Variants in PCBP2 observed in about 807,000 individuals in gnomAD.
The protein encoded by PCBP2 is poly(rC) binding protein 2.
PCBP2 carries 4 observed loss-of-function variants against 50.1 expected under a neutral mutation model. The observed-to-expected ratio is 0.08, with a 90% CI of 0.04 to 0.18. The LOEUF (loss-of-function observed/expected upper bound fraction) is 0.18. Ranked by LOEUF, PCBP2 falls within the 10% of genes least tolerant of loss-of-function variation. The pLI is 1.00. For missense variants in PCBP2, 161 were observed against 474.3 expected (o/e 0.34, Z 6.14); for synonymous variants, 179 against 168.0 (o/e 1.07, Z -0.51).
In PCBP2 at chr12:53,468,754, G is replaced by C; in HGVS notation, c.827-23G>C. On this transcript the variant is annotated intron_variant, in intron 12 of 14. Transcript: ENST00000546463. Reference sequence around the variant, plus strand: ...GTTTTGAATGCTGTGCATTGAATTTGCTTGCTCTCTTCTGTCTTTTAGCAG... The same window carrying C: ...GTTTTGAATGCTGTGCATTGAATTTCCTTGCTCTCTTCTGTCTTTTAGCAG... The C allele has an allele frequency of 1.9e-6, 3 of 1,596,312 alleles. No homozygotes were observed. The South Asian group carries it at 3.3e-5, about 18-fold the overall frequency.
At chr12:53,453,019 A>G (rs968811415) in intron 1 of PCBP2, 5 of 152,084 alleles carry the variant, frequency 3.3e-5, no homozygotes, top group African/African-American at 1.2e-4. Context: ...ATGTAATCCC[A>G]GACCGAGCTA....
intron 14 of PCBP2, among the ~76,000 whole-genome samples, chr12:53,472,179 C>A (rs889103030): frequency 1.3e-5 from 2 of 152,072 alleles, no homozygotes; most frequent in Non-Finnish European, 2.9e-5. Context: ...GATTTGGAGT[C>A]CAAAGCACCC....
rs1049193 is a variant in PCBP2, at chr12:53,480,060, G to C, written c.*618G>C. 0.11 allele frequency: 17,048 copies of C among 151,818 alleles called. 1,214 individuals carry two copies. The highest frequency in any genetic ancestry group is 0.17 in the Middle Eastern group (49 of 294). 9.4% of individuals were successfully genotyped at this position (151,818 alleles called of 1,614,324 possible). A position where few individuals can be genotyped will look rare whatever the true frequency, so the allele number is the denominator to read the frequency against. On this transcript the variant is annotated 3_prime_UTR_variant, in exon 15 of 15. Transcript: ENST00000546463. ...CAAAAGATTGAGGATTAGACTTTCC[G>C]AGGACTTACCTGTCCTAGGGGAGTA...
intron 10 of PCBP2, 101 bp from the exon 11 acceptor site, chr12:53,467,120 G>T: frequency 2.5e-6 from 2 of 804,058 alleles, no homozygotes; most frequent in Non-Finnish European, 2.1e-6. Context: ...GAGTAGTAGA[G>T]TCAATTTTGG....
In PCBP2 at chr12:53,481,127, A is replaced by G. The variant is rs901172153; in HGVS notation, c.*1685A>G. 1.4e-4 allele frequency: 84 copies of G among 595,372 alleles called. No homozygotes were observed. Among genetic ancestry groups the G allele is most frequent in the Non-Finnish European group, 1.8e-4 (76 of 431,196 alleles). 36.9% of individuals were successfully genotyped at this position (595,372 alleles called of 1,614,324 possible). ...GTGGCGCATATATATATATATATGT[A>G]TATATATATAATTTATATAAATATT... On this transcript the variant is annotated 3_prime_UTR_variant, in exon 15 of 15. Transcript: ENST00000546463.
chr12:53,469,885 G>T (rs888433562), intron 13 of PCBP2, among the ~76,000 whole-genome samples: 2 of 150,650 alleles, frequency 1.3e-5, no homozygotes, highest in African/African-American at 4.9e-5. Context: ...GGGACTACAG[G>T]CATGTGCCAC....
chr12:53,462,501 G>A lies in PCBP2; in HGVS notation c.513G>A (p.Pro171=), dbSNP rs768864672. Reference sequence around the variant, plus strand: ...CTCTGACTCTCTCCCAGTCCCCCCCGAAGGGCGTGACCATCCCGTACCGGC... The same window carrying A: ...CTCTGACTCTCTCCCAGTCCCCCCCAAAGGGCGTGACCATCCCGTACCGGC... ...QICVVMLESP[P]KGVTIPYRPK... The change falls in exon 8 of 15, where the codon CCG becomes CCA. Residue 171 remains proline, a synonymous_variant. Coordinates refer to ENST00000546463, the MANE Select transcript of PCBP2 (RefSeq NM_031989.5). 15 of 1,610,386 alleles carry A rather than the reference G, an allele frequency of 9.3e-6. No individual in the cohort carries two copies. The highest frequency in any genetic ancestry group is 1.7e-5 in the Admixed American group (1 of 59,860).
At chr12:53,463,259 T>TGGCACGTGGACTATTCTGAAGTTA (rs1941578816) in intron 8 of PCBP2, among the ~76,000 whole-genome samples, 1 of 152,204 alleles carries the variant, frequency 6.6e-6, no homozygotes, top group African/African-American at 2.4e-5. Context: ...TCTTGATCTT[T>TGGCACGTGGACTATTCTGAAGTTA]GGCACGTGGA....
intron 14 of PCBP2, among the ~76,000 whole-genome samples, chr12:53,476,609 T>G (rs1187686780): frequency 6.6e-6 from 1 of 151,890 alleles, no homozygotes; most frequent in African/African-American, 2.4e-5. Flanking sequence ...AGTGTAGAGA[T>G]AGTTTCCCTG....
chr12:53,476,920 A>G (rs1016701793), intron 14 of PCBP2, among the ~76,000 whole-genome samples: 8 of 152,138 alleles, frequency 5.3e-5, no homozygotes, highest in Admixed American at 2.6e-4. Context: ...GGTTTTATCT[A>G]GTTCTTGATT....
intron 14 of PCBP2, chr12:53,474,878 C>T (rs748339523): frequency 1.9e-5 from 8 of 427,222 alleles, no homozygotes; most frequent in Non-Finnish European, 3.4e-5. Flanking sequence ...GTTTAGAAAA[C>T]GCTAAACCCT....
intron 14 of PCBP2, chr12:53,474,958 C>A (rs1156934256): frequency 2.2e-6 from 1 of 456,814 alleles, no homozygotes; most frequent in Non-Finnish European, 4.4e-6. Flanking sequence ...TCCACCCCTT[C>A]TTCTTCTTCC....
intron 1 of PCBP2, chr12:53,454,384 AG>A (rs1318008423): frequency 6.1e-6 from 1 of 163,414 alleles, no homozygotes; most frequent in Non-Finnish European, 1.3e-5. Context: ...CATGATTTCC[AG>A]GTGTTTCTGA....
At position 53,456,021 on chromosome 12, in the gene PCBP2, C is replaced by A; in HGVS notation, c.243+20C>A. The stretch of plus-strand genomic sequence containing the variant: ...GAAGAGGTTTGTTGTCTCCCACTCC[C>A]TCATTCTTCATTTTTAAGTGCTTCC... On this transcript the variant is annotated intron_variant, in intron 5 of 14. Coordinates refer to ENST00000546463, the MANE Select transcript of PCBP2 (RefSeq NM_031989.5). 1 of 1,386,936 alleles carries A rather than the reference C, an allele frequency of 7.2e-7. No homozygotes were observed. Among genetic ancestry groups the A allele is most frequent in the South Asian group, 1.2e-5 (1 of 86,380 alleles). The allele number at this position is 1,386,936 out of a possible 1,614,324, so 85.9% of individuals were successfully genotyped here.
intron 14 of PCBP2, 68 bp downstream of exon 14, chr12:53,471,875 G>T (rs1174893752): frequency 5.8e-6 from 8 of 1,390,774 alleles, no homozygotes; most frequent in Non-Finnish European, 6.9e-6. Flanking sequence ...GAGAGCTGCA[G>T]TGTATTAAAT....
intron 5 of PCBP2, among the ~76,000 whole-genome samples, chr12:53,458,162 CAG>C (rs1941178735): frequency 1.3e-5 from 2 of 151,930 alleles, no homozygotes; most frequent in East Asian, 3.9e-4. Context: ...CTCCTGACCT[CAG>C]TGATCCACCT....
chr12:53,471,276 G>GTT (rs869289440), intron 13 of PCBP2, among the ~76,000 whole-genome samples: 14 of 139,582 alleles, frequency 1.0e-4, no homozygotes, highest in South Asian at 2.4e-4. Context: ...GAGACCCTCG[G>GTT]TTTTTTTTTT....
intron 7 of PCBP2, among the ~76,000 whole-genome samples, chr12:53,461,929 G>T (rs1390359254): frequency 6.6e-6 from 1 of 151,958 alleles, no homozygotes; most frequent in Non-Finnish European, 1.5e-5. Context: ...GGCTGGTCTT[G>T]AACTCCTGAG....
intron 14 of PCBP2, among the ~76,000 whole-genome samples, chr12:53,473,376 C>T (rs538421113): frequency 9.1e-4 from 139 of 152,312 alleles, no homozygotes; most frequent in Non-Finnish European, 1.6e-3. Flanking sequence ...AGCCACTATG[C>T]CCAGCTTGTT....
Sources: allele counts gnomAD v4.1 joint callset (sites outside exome capture counted in the v4.1 genomes callset), GRCh38; gene constraint gnomAD v4.1.1; transcripts MANE v1.5; gene names NCBI Gene and HGNC (gene_info 2026-07-23, HGNC 2026-07-21).